The following STARD13 variants were observed in gnomAD, a reference collection of about 807,000 sequenced individuals.
STARD13 encodes StAR related lipid transfer domain containing 13.
A neutral mutation model predicts 106.4 loss-of-function variants in STARD13; 62 were observed. The observed-to-expected ratio is 0.58, with a 90% CI of 0.48 to 0.72. The LOEUF (loss-of-function observed/expected upper bound fraction) is 0.72. Among genes scored for constraint, STARD13 ranks in the 30% least tolerant of loss-of-function variants. STARD13 has a pLI of 0.00. For synonymous variants in STARD13, 565 were observed against 553.0 expected, an observed-to-expected ratio of 1.02 and a Z score of -0.31; for missense variants, 1,387 against 1,424.0, an observed-to-expected ratio of 0.97 and a Z score of 0.42.
At chr13:33,126,883 C>T (rs1236771009) in intron 6 of STARD13, among the ~76,000 whole-genome samples, 1 of 143,580 alleles carries the variant, frequency 7.0e-6, no homozygotes, top group African/African-American at 2.6e-5. Flanking sequence ...TTCTAACATG[C>T]TTCTGTCAAT....
Position 33,332,640 on chromosome 13 carries a change from G to A in STARD13, c.124+17650C>T, listed in dbSNP as rs1035787780. On this transcript the variant is annotated intron_variant, in intron 1 of 5. Transcript: ENST00000567873. ...AATACGTCTGCGGTTTAAGCCACCA[G>A]TCTATGATATTCTGTCAGAGCAGCC... 2.6e-5 allele frequency among the ~76,000 whole-genome samples: 4 copies of A among 152,156 alleles called. No homozygotes were observed. In the East Asian group the frequency reaches 7.7e-4, roughly 29 times the overall value.
rs1342099841 is a variant in STARD13 at position 33,103,465 on chromosome 13, G to C, written c.*2128C>G. ...AAAAGTCAGATAATTCGAAGAGAGG[G>C]AGAATCAGAAATACAATCACATTTG... On this transcript the variant is annotated 3_prime_UTR_variant, in exon 14 of 14. Transcript: ENST00000336934. 6.6e-6 allele frequency: 1 copy of C among 152,632 alleles called. No homozygotes were observed. Among genetic ancestry groups the C allele is most frequent in the Non-Finnish European group, 1.5e-5 (1 of 68,034 alleles). The allele number at this position is 152,632 out of a possible 1,614,324, so 9.5% of individuals were successfully genotyped here. A position where few individuals can be genotyped will look rare whatever the true frequency, so the allele number is the denominator to read the frequency against.
chr13:33,179,989 T>C (rs1329115263), intron 1 of STARD13, among the ~76,000 whole-genome samples: 8 of 152,204 alleles, frequency 5.3e-5, no homozygotes, highest in Non-Finnish European at 7.3e-5. Context: ...CAGGAGGTCC[T>C]TGGGGTCACA....
rs959696007 is a variant in STARD13 at position 33,178,011 on chromosome 13, A to G, written c.170-10389T>C. 7.9e-4 allele frequency among the ~76,000 whole-genome samples: 17 copies of G among 21,454 alleles called. 4 individuals are homozygous for G. The highest frequency in any genetic ancestry group is 1.5e-3 in the Admixed American group (3 of 1,964). 14.1% of individuals were successfully genotyped at this position (21,454 alleles called of 152,430 possible). ...AAAGGAAGGAAGGAAGGAAGGAAGG[A>G]AAGGAAGGAAGGAAGGAAGGAAGGA... On this transcript the variant is annotated intron_variant, in intron 1 of 13. Coordinates refer to ENST00000336934, the MANE Select transcript of STARD13 (RefSeq NM_178006.4).
At chr13:33,472,031 T>C in the STARD13 span, among the ~76,000 whole-genome samples, 1 of 152,118 alleles carries the variant, frequency 6.6e-6, no homozygotes, top group Non-Finnish European at 1.5e-5. Context: ...CCCTTTGCCT[T>C]TCATCAAATT....
chr13:33,518,568 A>C, the STARD13 span, among the ~76,000 whole-genome samples: 1 of 152,062 alleles, frequency 6.6e-6, no homozygotes, highest in African/African-American at 2.4e-5. Flanking sequence ...GTGGGGCACC[A>C]ATTTATGGTC....
chr13:33,154,264 A>G (rs1458309674), intron 3 of STARD13, among the ~76,000 whole-genome samples: 1 of 152,154 alleles, frequency 6.6e-6, no homozygotes, highest in East Asian at 1.9e-4. Flanking sequence ...AGGGAAGGCC[A>G]CACCTCTGTT....
At chr13:33,484,607 C>T in the STARD13 span, among the ~76,000 whole-genome samples, 3 of 152,110 alleles carry the variant, frequency 2.0e-5, no homozygotes, top group Non-Finnish European at 4.4e-5. Context: ...GCCTAACTAC[C>T]TTTAAAAAAC....
At chr13:33,385,872 A>C in the STARD13 span, among the ~76,000 whole-genome samples, 4,352 of 151,394 alleles carry the variant, frequency 0.029, 212 homozygotes, top group African/African-American at 0.098. Flanking sequence ...AACAAAAAAA[A>C]AAAAATTAAA....
At chr13:33,465,455 G>T in the STARD13 span, among the ~76,000 whole-genome samples, 28 of 152,190 alleles carry the variant, frequency 1.8e-4, 1 homozygote, top group Admixed American at 1.6e-3. Flanking sequence ...ACCTGCCTCG[G>T]CCTCCCAAAG....
chr13:33,514,096 T>G, the STARD13 span, among the ~76,000 whole-genome samples: 1 of 152,152 alleles, frequency 6.6e-6, no homozygotes, highest in Non-Finnish European at 1.5e-5. Context: ...ATTACACACA[T>G]GATTCTCTCT....
At chr13:33,462,490 G>A in the STARD13 span, among the ~76,000 whole-genome samples, 2 of 152,186 alleles carry the variant, frequency 1.3e-5, no homozygotes, top group African/African-American at 4.8e-5. Flanking sequence ...ACGATCACAA[G>A]GTCAAGCCCC....
chr13:33,139,690 C>T (rs925180316), intron 4 of STARD13, among the ~76,000 whole-genome samples: 15 of 152,026 alleles, frequency 9.9e-5, no homozygotes, highest in Non-Finnish European at 1.5e-4. Flanking sequence ...ACGGGGTGCT[C>T]GATTCTCAAG....
chr13:33,369,196 C>CAAT, the STARD13 span, among the ~76,000 whole-genome samples: 3 of 151,840 alleles, frequency 2.0e-5, no homozygotes, highest in Non-Finnish European at 4.4e-5. Flanking sequence ...CATCCTAGAC[C>CAAT]AATTCAGAAG....
chr13:33,474,536 A>G, the STARD13 span, among the ~76,000 whole-genome samples: 1 of 152,252 alleles, frequency 6.6e-6, no homozygotes, highest in Admixed American at 6.5e-5. Context: ...GAATGCTTGT[A>G]CATTAAACAA....
chr13:33,378,094 A>C, the STARD13 span, among the ~76,000 whole-genome samples: 1 of 152,156 alleles, frequency 6.6e-6, no homozygotes, highest in Non-Finnish European at 1.5e-5. Context: ...GGGTCTCCAG[A>C]GTTTCCTTGG....
At chr13:33,533,965 A>C in the STARD13 span, among the ~76,000 whole-genome samples, 1 of 152,228 alleles carries the variant, frequency 6.6e-6, no homozygotes, top group East Asian at 1.9e-4. Flanking sequence ...GAAATGAAGG[A>C]CATATCTTAT....
At chr13:33,275,713 G>A (rs549207306) in intron 1 of STARD13, 1 of 152,284 alleles carries the variant, frequency 6.6e-6, no homozygotes, top group African/African-American at 2.4e-5. Flanking sequence ...TAATCACAGG[G>A]CTATTTGAAA....
the STARD13 span, among the ~76,000 whole-genome samples, chr13:33,652,560 G>C: frequency 6.6e-6 from 1 of 152,076 alleles, no homozygotes; most frequent in African/African-American, 2.4e-5. Context: ...AATTCCATAG[G>C]CTATAAAAAC....
Sources: allele counts gnomAD v4.1 joint callset (sites outside exome capture counted in the v4.1 genomes callset), GRCh38; gene constraint gnomAD v4.1.1; transcripts MANE v1.5; gene names NCBI Gene and HGNC (gene_info 2026-07-23, HGNC 2026-07-21).